Variants in SPDYE6 observed in about 807,000 individuals in gnomAD.
SPDYE6 encodes the protein speedy protein E6.
For missense variants in SPDYE6, 8 were observed against 297.9 expected (o/e 0.03, Z 7.16); for synonymous variants, 2 against 103.0 (o/e 0.02, Z 5.94).
At chr7:102,353,601 C>T (rs1794606323) in intron 2 of SPDYE6, among the ~76,000 whole-genome samples, 1 of 141,264 alleles carries the variant, frequency 7.1e-6, no homozygotes, top group African/African-American at 2.6e-5. Context: ...AGAACACTTC[C>T]TCATATCCTT....
intron 2 of SPDYE6, among the ~76,000 whole-genome samples, chr7:102,353,655 T>TTTTG (rs368227936): frequency 2.3e-3 from 339 of 147,658 alleles, no homozygotes; most frequent in South Asian, 3.1e-3. Flanking sequence ...TTTTTTTTTT[T>TTTTG]TCGTTGTTGT....
At position 102,346,550 on chromosome 7, in the gene SPDYE6, G is replaced by A. The variant is rs1408862318; in HGVS notation, c.*717C>T. On this transcript the variant is annotated 3_prime_UTR_variant, in exon 8 of 8. Transcript: ENST00000563237. ...GATAAAAAGAGTGCTCGCTTCAGGA[G>A]CACATATAATAATACAGAAACAAAT... Among the ~76,000 whole-genome samples the A allele has an allele frequency of 2.8e-4, 42 of 151,454 alleles. No homozygotes were observed. The highest frequency in any genetic ancestry group is 9.4e-4 in the African/African-American group (39 of 41,450).
Position 102,346,720 on chromosome 7 carries a change from A to G in SPDYE6, c.*547T>C, listed in dbSNP as rs1794504331. On this transcript the variant is annotated 3_prime_UTR_variant, in exon 8 of 8. Transcript: ENST00000563237. ...TCAAAAGTACAACAATTTCCAAACT[A>G]TTTGAAATAAATCTATGAATAATTC... Among the ~76,000 whole-genome samples the G allele has an allele frequency of 6.6e-6, 1 of 151,972 alleles. No individual in the cohort carries two copies. Among genetic ancestry groups the G allele is most frequent in the Non-Finnish European group, 1.5e-5 (1 of 67,972 alleles).
rs1481271932 is a variant in SPDYE6 at position 102,346,002 on chromosome 7, G to A, written c.*1265C>T. 6.6e-6 allele frequency among the ~76,000 whole-genome samples: 1 copy of A among 151,718 alleles called. No homozygotes were observed. Among genetic ancestry groups the A allele is most frequent in the Non-Finnish European group, 1.5e-5 (1 of 67,952 alleles). Reference sequence around the variant, plus strand: ...ACATAGCTATAAATGTAATATATATGTTAACTAAGTATCATAGATAAAATC... The same window carrying A: ...ACATAGCTATAAATGTAATATATATATTAACTAAGTATCATAGATAAAATC... On this transcript the variant is annotated 3_prime_UTR_variant, in exon 8 of 8. Coordinates refer to ENST00000563237, the MANE Select transcript of SPDYE6 (RefSeq NM_001146210.4).
In SPDYE6 at chr7:102,346,237, AAAT is replaced by A. The variant is rs1285361787; in HGVS notation, c.*1027_*1029del. On this transcript the variant is annotated 3_prime_UTR_variant, in exon 8 of 8. Coordinates refer to ENST00000563237, the MANE Select transcript of SPDYE6 (RefSeq NM_001146210.4). ...ATATTTAAAATAATATTTAATGTAA[AAAT>A]AATATTTAAATAAATAAATATATTT... is the stretch of plus-strand genomic sequence containing the variant. Among the ~76,000 whole-genome samples the A allele has an allele frequency of 7.4e-5, 11 of 148,454 alleles. No individual in the cohort carries two copies. The highest frequency in any genetic ancestry group is 1.9e-4 in the East Asian group (1 of 5,156).
At chr7:102,352,361 A>T (rs1476023278) in intron 3 of SPDYE6, among the ~76,000 whole-genome samples, 1 of 148,036 alleles carries the variant, frequency 6.8e-6, no homozygotes, top group Non-Finnish European at 1.5e-5. Flanking sequence ...CAGGATGTAG[A>T]GCTGGGAATC....
At chr7:102,352,616 TATTA>T (rs2133084593) in intron 3 of SPDYE6, among the ~76,000 whole-genome samples, 2 of 133,836 alleles carry the variant, frequency 1.5e-5, no homozygotes, top group East Asian at 2.2e-4. Flanking sequence ...TTTATTTATT[TATTA>T]ATTTATTTTG....
intron 2 of SPDYE6, among the ~76,000 whole-genome samples, chr7:102,353,757 G>T (rs1554562799): frequency 7.2e-6 from 1 of 138,480 alleles, no homozygotes; most frequent in Non-Finnish European, 1.6e-5. Context: ...TCTGCCTCCC[G>T]GGTTCCAGTG....
rs1372373197 is a variant in SPDYE6, at chr7:102,345,995, TA to T, written c.*1271del. On this transcript the variant is annotated 3_prime_UTR_variant, in exon 8 of 8. Transcript: ENST00000563237. ...AACTACTACATAGCTATAAATGTAA[TA>T]TATATGTTAACTAAGTATCATAGAT... 6.6e-6 allele frequency among the ~76,000 whole-genome samples: 1 copy of T among 151,848 alleles called. No homozygotes were observed. The highest frequency in any genetic ancestry group is 1.5e-5 in the Non-Finnish European group (1 of 67,956).
rs1554562799 is a variant in SPDYE6 at position 102,353,757 on chromosome 7, G to A, written c.380-369C>T. Among the ~76,000 whole-genome samples, 5 of 138,552 alleles carry A rather than the reference G, an allele frequency of 3.6e-5. No individual in the cohort carries two copies. The East Asian group carries it at 7.0e-4, about 19-fold the overall frequency. The allele number at this position is 138,552 out of a possible 152,430, so 90.9% of individuals were successfully genotyped here. The stretch of plus-strand genomic sequence containing the variant: ...TGGCTCACTGCAACCTCTGCCTCCC[G>A]GGTTCCAGTGATTCTCCTGCCTAAG... On this transcript the variant is annotated intron_variant, in intron 2 of 7. Transcript: ENST00000563237.
Position 102,345,806 on chromosome 7 carries a change from G to A in SPDYE6, c.*1461C>T, listed in dbSNP as rs1380700636. 6.6e-6 allele frequency among the ~76,000 whole-genome samples: 1 copy of A among 152,146 alleles called. No homozygotes were observed. Among genetic ancestry groups the A allele is most frequent in the Admixed American group, 6.5e-5 (1 of 15,272 alleles). On this transcript the variant is annotated 3_prime_UTR_variant, in exon 8 of 8. Coordinates refer to ENST00000563237, the MANE Select transcript of SPDYE6 (RefSeq NM_001146210.4). Reference sequence around the variant, plus strand: ...GTTTCCCCAAGAGACCCACTCTATTGTTCTCTTGAAAACACACAGCTCATG... The same window carrying A: ...GTTTCCCCAAGAGACCCACTCTATTATTCTCTTGAAAACACACAGCTCATG...
intron 2 of SPDYE6, among the ~76,000 whole-genome samples, chr7:102,353,616 G>C (rs1347050068): frequency 3.3e-5 from 4 of 121,750 alleles, no homozygotes; most frequent in African/African-American, 8.9e-5. Context: ...ATCCTTCCCT[G>C]GTCCCTGGCT....
At position 102,346,658 on chromosome 7, in the gene SPDYE6, A is replaced by G. The variant is rs1794502737; in HGVS notation, c.*609T>C. On this transcript the variant is annotated 3_prime_UTR_variant, in exon 8 of 8. Transcript: ENST00000563237. ...TTAGCTTTATGTATATATAACAACT[A>G]TAACTCTCATCAAAAAACTACAGGA... is the stretch of plus-strand genomic sequence containing the variant. Among the ~76,000 whole-genome samples the G allele has an allele frequency of 6.6e-6, 1 of 151,104 alleles. No homozygotes were observed. Among genetic ancestry groups the G allele is most frequent in the Non-Finnish European group, 1.5e-5 (1 of 67,440 alleles).
intron 3 of SPDYE6, among the ~76,000 whole-genome samples, 168 bp from the exon 4 acceptor site, chr7:102,352,292 C>T (rs1794584054): frequency 6.6e-6 from 1 of 151,720 alleles, no homozygotes; most frequent in Non-Finnish European, 1.5e-5. Flanking sequence ...GGGAGAGAGG[C>T]TCCTGCTCTG....
At position 102,346,240 on chromosome 7, in the gene SPDYE6, T is replaced by TAATATTTAAATAAATATATTTAATA. The variant is rs1794494262; in HGVS notation, c.*1026_*1027insTATTAAATATATTTATTTAAATATT. Among the ~76,000 whole-genome samples, 2 of 135,870 alleles carry TAATATTTAAATAAATATATTTAATA rather than the reference T, an allele frequency of 1.5e-5. No homozygotes were observed. Among genetic ancestry groups the TAATATTTAAATAAATATATTTAATA allele is most frequent in the Admixed American group, 7.3e-5 (1 of 13,620 alleles). 89.1% of individuals were successfully genotyped at this position (135,870 alleles called of 152,430 possible). A position where few individuals can be genotyped will look rare whatever the true frequency, so the allele number is the denominator to read the frequency against. The stretch of plus-strand genomic sequence containing the variant: ...TTTAAAATAATATTTAATGTAAAAA[T>TAATATTTAAATAAATATATTTAATA]AATATTTAAATAAATAAATATATTT... On this transcript the variant is annotated 3_prime_UTR_variant, in exon 8 of 8. Coordinates refer to ENST00000563237, the MANE Select transcript of SPDYE6 (RefSeq NM_001146210.4).
At chr7:102,353,554 C>T (rs1430452165) in intron 2 of SPDYE6, among the ~76,000 whole-genome samples, 166 bp from the exon 3 acceptor site, 3 of 139,498 alleles carry the variant, frequency 2.2e-5, no homozygotes, top group African/African-American at 5.3e-5. Flanking sequence ...CCATGTGCCG[C>T]TCCTTCTCCT....
chr7:102,351,523 T>G (rs1794563839), intron 4 of SPDYE6, among the ~76,000 whole-genome samples: 1 of 29,962 alleles, frequency 3.3e-5, no homozygotes, highest in Non-Finnish European at 5.7e-5. Flanking sequence ...CAATGAGCTA[T>G]GTTCATGCCA....
chr7:102,351,645 T>A (rs1421624427), intron 4 of SPDYE6, among the ~76,000 whole-genome samples: 1 of 93,848 alleles, frequency 1.1e-5, no homozygotes, highest in Non-Finnish European at 2.2e-5. Flanking sequence ...CTGACGTCTA[T>A]AATCTCAGCA....
rs1417469614 is a variant in SPDYE6, at chr7:102,346,770, C to T, written c.*497G>A. On this transcript the variant is annotated 3_prime_UTR_variant, in exon 8 of 8. Transcript: ENST00000563237. ...CAATGGCCGACATTTTCCAAACAAA[C>T]CAATAAAATGCAGAGTGTGCATGAA... Among the ~76,000 whole-genome samples, 1 of 152,158 alleles carries T rather than the reference C, an allele frequency of 6.6e-6. No homozygotes were observed. Among genetic ancestry groups the T allele is most frequent in the East Asian group, 1.9e-4 (1 of 5,174 alleles).
Sources: allele counts gnomAD v4.1 joint callset (sites outside exome capture counted in the v4.1 genomes callset), GRCh38; gene constraint gnomAD v4.1.1; transcripts MANE v1.5; gene names NCBI Gene and HGNC (gene_info 2026-07-23, HGNC 2026-07-21).